ITGB3BP: variants seen among roughly 807,000 people sequenced by gnomAD.
The protein encoded by ITGB3BP is integrin subunit beta 3 binding protein.
ITGB3BP carries 27 observed loss-of-function variants against 29.1 expected under a neutral mutation model. The observed-to-expected ratio is 0.93, with a 90% CI of 0.68 to 1.28. ITGB3BP has a LOEUF of 1.28. ITGB3BP is among the 50% of genes most tolerant of loss of function. The probability of loss-of-function intolerance (pLI) is 0.00; values close to 1 mark genes in which losing one functional copy is unlikely to be tolerated. For synonymous variants in ITGB3BP, 61 were observed against 61.4 expected (o/e 0.99, Z 0.03); for missense variants, 192 against 200.2 (o/e 0.96, Z 0.25).
At chr1:63,516,946 C>T (rs1173329392) in intron 1 of ITGB3BP, among the ~76,000 whole-genome samples, 1 of 151,644 alleles carries the variant, frequency 6.6e-6, no homozygotes, top group Non-Finnish European at 1.5e-5. Context: ...CACCATTATG[C>T]AATATATCCT....
intron 2 of ITGB3BP, among the ~76,000 whole-genome samples, chr1:63,499,152 T>C (rs1023026464): frequency 1.6e-5 from 2 of 125,054 alleles, no homozygotes; most frequent in Non-Finnish European, 3.3e-5. Flanking sequence ...TGAATTCCAC[T>C]AGCGTTTTTT....
At chr1:63,460,017 A>T (rs1234530344) in intron 4 of ITGB3BP, among the ~76,000 whole-genome samples, 1 of 142,530 alleles carries the variant, frequency 7.0e-6, no homozygotes, top group African/African-American at 2.8e-5. Flanking sequence ...ATTCTTTGTC[A>T]AAAAAAAAAA....
intron 4 of ITGB3BP, among the ~76,000 whole-genome samples, chr1:63,476,887 C>T (rs1474119985): frequency 1.3e-5 from 2 of 152,062 alleles, no homozygotes; most frequent in Non-Finnish European, 2.9e-5. Context: ...GAACTTTTTC[C>T]TGTGTACATA....
chr1:63,454,524 A>AAT lies in ITGB3BP; in HGVS notation c.334-52_334-51insAT. On this transcript the variant is annotated intron_variant, in intron 5 of 8. Coordinates refer to ENST00000271002, the MANE Select transcript of ITGB3BP (RefSeq NM_014288.5). The surrounding 1 kb of genome is among the most constrained non-coding windows in gnomAD (Gnocchi z 4.1). ...TTAAGTTCTCTACACACATGAGATT[A>AAT]CTGACATGTCTAGTGAAAATACAGT... 2 of 830,460 alleles carry AAT rather than the reference A, an allele frequency of 2.4e-6. No individual in the cohort carries two copies. The highest frequency in any genetic ancestry group is 3.9e-6 in the Non-Finnish European group (2 of 509,768). The allele number at this position is 830,460 out of a possible 1,614,324, so 51.4% of individuals were successfully genotyped here. A position where few individuals can be genotyped will look rare whatever the true frequency, so the allele number is the denominator to read the frequency against.
Position 63,479,593 on chromosome 1 carries a change from T to A in ITGB3BP, c.185-760A>T, listed in dbSNP as rs191952935. Among the ~76,000 whole-genome samples the A allele has an allele frequency of 1.2e-4, 18 of 152,218 alleles. No homozygotes were observed. The East Asian group carries it at 3.5e-3, about 29-fold the overall frequency. On this transcript the variant is annotated intron_variant, in intron 3 of 8. Coordinates refer to ENST00000271002, the MANE Select transcript of ITGB3BP (RefSeq NM_014288.5). Reference sequence around the variant, plus strand: ...TATCATTTGGTCAACATGTTCCCAATCACTCGGCCCTCCCGACCAGCAGAA... The same window carrying A: ...TATCATTTGGTCAACATGTTCCCAAACACTCGGCCCTCCCGACCAGCAGAA...
chr1:63,471,936 C>T (rs1326355068), intron 4 of ITGB3BP, among the ~76,000 whole-genome samples: 1 of 151,982 alleles, frequency 6.6e-6, no homozygotes, highest in Non-Finnish European at 1.5e-5. Flanking sequence ...AGGTGCAAGC[C>T]ACCACGCCTG....
At position 63,454,474 on chromosome 1, in the gene ITGB3BP, C is replaced by T. The variant is rs758436692; in HGVS notation, c.334-1G>A. 30 of 1,555,684 alleles carry T rather than the reference C, an allele frequency of 1.9e-5. No homozygotes were observed. Among genetic ancestry groups the T allele is most frequent in the Non-Finnish European group, 2.6e-5 (29 of 1,135,068 alleles). Reference sequence around the variant, plus strand: ...CAAGCTCTCTACTGCCCTCCAAAGCCTACAAGAAAGTCATCTTGAATGAGT... The same window carrying T: ...CAAGCTCTCTACTGCCCTCCAAAGCTTACAAGAAAGTCATCTTGAATGAGT... On this transcript the variant is annotated splice_acceptor_variant, in intron 5 of 8. Coordinates refer to ENST00000271002, the MANE Select transcript of ITGB3BP (RefSeq NM_014288.5). LOFTEE classifies it high-confidence loss of function. This position sits in a 1 kb window ranked among gnomAD's most constrained non-coding sequence, Gnocchi z 4.1.
chr1:63,505,405 C>A (rs1470916811), intron 2 of ITGB3BP, among the ~76,000 whole-genome samples: 1 of 151,836 alleles, frequency 6.6e-6, no homozygotes, highest in African/African-American at 2.4e-5. Flanking sequence ...TCTCTCTTTT[C>A]TTCTTTATTA....
chr1:63,473,861 G>A (rs1423379913), intron 4 of ITGB3BP, among the ~76,000 whole-genome samples: 239 of 50,644 alleles, frequency 4.7e-3, no homozygotes, highest in African/African-American at 0.019. Context: ...CTGCCCGGCC[G>A]CCCCTACTGG....
chr1:63,473,460 C>G (rs1645251545), intron 4 of ITGB3BP, among the ~76,000 whole-genome samples: 6 of 139,358 alleles, frequency 4.3e-5, no homozygotes, highest in Non-Finnish European at 8.0e-5. Flanking sequence ...GTCGCCCCGT[C>G]CAGGAGGGAG....
At position 63,492,337 on chromosome 1, in the gene ITGB3BP, T is replaced by C. The variant is rs144103295; in HGVS notation, c.49-2119A>G. Among the ~76,000 whole-genome samples the C allele has an allele frequency of 3.4e-3, 523 of 152,044 alleles. 1 individual carries two copies. Among genetic ancestry groups the C allele is most frequent in the Non-Finnish European group, 6.3e-3 (428 of 67,968 alleles). The stretch of plus-strand genomic sequence containing the variant: ...ACAACTACTATACACAGAAGGAAAA[T>C]TGAAAAGCTACCCTTTCCCTACTAT... On this transcript the variant is annotated intron_variant, in intron 2 of 8. Coordinates refer to ENST00000271002, the MANE Select transcript of ITGB3BP (RefSeq NM_014288.5).
intron 8 of ITGB3BP, chr1:63,442,646 A>G (rs2100459065): frequency 6.6e-6 from 1 of 152,318 alleles, no homozygotes; most frequent in Admixed American, 6.5e-5. Flanking sequence ...TCTACTAGAG[A>G]GCCTGCCATG....
At chr1:63,486,795 C>T (rs993391950) in intron 3 of ITGB3BP, among the ~76,000 whole-genome samples, 5 of 151,930 alleles carry the variant, frequency 3.3e-5, no homozygotes, top group East Asian at 1.9e-4. Flanking sequence ...GAAAAACATA[C>T]GAGAACCATG....
intron 3 of ITGB3BP, among the ~76,000 whole-genome samples, chr1:63,485,439 CA>C: frequency 6.9e-6 from 1 of 144,874 alleles, no homozygotes; most frequent in African/African-American, 2.5e-5. Flanking sequence ...TTTTTTTTTT[CA>C]CCCGCCCTCC....
upstream of ITGB3BP, among the ~76,000 whole-genome samples, chr1:63,524,008 T>G (rs1415551647): frequency 6.6e-6 from 1 of 152,148 alleles, no homozygotes; most frequent in East Asian, 1.9e-4. Flanking sequence ...GGCCGGAGTT[T>G]TAAGTAAGGG....
chr1:63,513,845 G>A (rs138727109), intron 1 of ITGB3BP, among the ~76,000 whole-genome samples: 5 of 152,126 alleles, frequency 3.3e-5, no homozygotes, highest in Non-Finnish European at 5.9e-5. Context: ...ATACCACCAT[G>A]GAAAGCAAAT....
upstream of ITGB3BP, chr1:63,525,468 A>T: frequency 1.1e-6 from 1 of 888,928 alleles, no homozygotes; most frequent in Non-Finnish European, 1.6e-6. Flanking sequence ...ATTTTCTTCT[A>T]TGTATAAAAT....
chr1:63,469,367 C>T (rs937349653), intron 4 of ITGB3BP, among the ~76,000 whole-genome samples: 9 of 151,170 alleles, frequency 6.0e-5, no homozygotes, highest in African/African-American at 2.2e-4. Context: ...GCTCTTATTG[C>T]CCAGGCTGGA....
At chr1:63,471,551 C>T (rs1244729118) in intron 4 of ITGB3BP, among the ~76,000 whole-genome samples, 2 of 151,980 alleles carry the variant, frequency 1.3e-5, no homozygotes, top group East Asian at 3.9e-4. Context: ...GTGCCCAGCC[C>T]CTAAAAGTTT....
Sources: gnomAD v4.1 joint callset for allele counts (sites outside exome capture counted in the v4.1 genomes callset) on GRCh38, gnomAD v4.1.1 for gene constraint, Gnocchi (gnomAD v3.1) non-coding constraint, MANE v1.5 for transcripts, NCBI Gene and HGNC (gene_info 2026-07-23, HGNC 2026-07-21) for gene names.